Variants in KIAA1755 observed in about 807,000 individuals in gnomAD.
KIAA1755 encodes the protein KIAA1755.
In KIAA1755, 68 loss-of-function variants were observed where a neutral mutation model predicts 91.7. The ratio of observed to expected loss-of-function variants is 0.74; its 90% CI spans 0.61 to 0.91. KIAA1755 has a LOEUF of 0.91. KIAA1755 is among the 40% of genes least tolerant of loss of function. The probability of loss-of-function intolerance (pLI) is 0.00; values close to 1 mark genes in which losing one functional copy is unlikely to be tolerated. For synonymous variants in KIAA1755, 610 were observed against 604.6 expected (o/e 1.01, Z -0.13); for missense variants, 1,535 against 1,494.4 (o/e 1.03, Z -0.45).
rs149071738 is a variant in KIAA1755, at chr20:38,225,709, C to T, written c.2125G>A (p.Gly709Ser). 1.9e-6 allele frequency: 3 copies of T among 1,612,658 alleles called. No homozygotes were observed. Among genetic ancestry groups the T allele is most frequent in the African/African-American group, 2.7e-5 (2 of 74,874 alleles). Residue 709 changes from glycine (G) to serine (S), a missense_variant, in exon 8 of 14, where the codon GGC becomes AGC. Gly to Ser is a moderately conservative substitution (Grantham distance 56, BLOSUM62 0). Transcript: ENST00000279024. ...TCGGTGTGGCAGTAGGGGAAGGGGC[C>T]TTCCAGGACTGCGGGCAGCTGGCTG... ...DPSQLPAVLEGPFPYCHTEWV... is the reference protein window; with the variant it reads ...DPSQLPAVLESPFPYCHTEWV...
At chr20:38,228,690 G>C (rs1191166861) in intron 5 of KIAA1755, among the ~76,000 whole-genome samples, 5 of 152,114 alleles carry the variant, frequency 3.3e-5, no homozygotes, top group African/African-American at 1.2e-4. Flanking sequence ...AGATGGGGAG[G>C]GTCATGTGAC....
At position 38,245,998 on chromosome 20, in the gene KIAA1755, C is replaced by T; in HGVS notation, c.132G>A (p.Gly44=). The T allele has an allele frequency of 6.2e-7, 1 of 1,614,198 alleles. No homozygotes were observed. The highest frequency in any genetic ancestry group is 8.5e-7 in the Non-Finnish European group (1 of 1,180,036). The change falls in exon 2 of 14, where the codon GGG becomes GGA. Residue 44 remains glycine, a synonymous_variant. Coordinates refer to ENST00000279024, the MANE Select transcript of KIAA1755 (RefSeq NM_001029864.2). ...RLLDSGFQGD[G]LSFLLDFLIP... is the part of the protein sequence containing the mutation. ...TCAGGAAATCCAGAAGGAAGCTCAG[C>T]CCATCCCCCTGGAAGCCAGAGTCCA...
Position 38,247,133 on chromosome 20 carries a change from C to T in KIAA1755, c.4-1007G>A, listed in dbSNP as rs571809940. On this transcript the variant is annotated intron_variant, in intron 1 of 13. Coordinates refer to ENST00000279024, the MANE Select transcript of KIAA1755 (RefSeq NM_001029864.2). ...TTGGCTGCCAAATTCTCGTCTGCCT[C>T]ACCCCAGCCATTTTCCACCAGGACC... Among the ~76,000 whole-genome samples the T allele has an allele frequency of 3.3e-5, 5 of 152,320 alleles. No individual in the cohort carries two copies. In the South Asian group the frequency reaches 1.0e-3, roughly 32 times the overall value.
intron 4 of KIAA1755, among the ~76,000 whole-genome samples, chr20:38,232,904 G>A (rs2075894722): frequency 6.6e-6 from 1 of 152,038 alleles, no homozygotes; most frequent in Non-Finnish European, 1.5e-5. Flanking sequence ...AATGGCTTGA[G>A]CTCGGGAGTT....
intron 5 of KIAA1755, among the ~76,000 whole-genome samples, chr20:38,229,030 T>G (rs1009414143): frequency 6.6e-6 from 1 of 152,220 alleles, no homozygotes; most frequent in Non-Finnish European, 1.5e-5. Flanking sequence ...TCTAGCCATC[T>G]GGCCAGTGGG....
intron 1 of KIAA1755, among the ~76,000 whole-genome samples, chr20:38,258,399 C>A (rs758279398): frequency 2.0e-5 from 3 of 152,140 alleles, no homozygotes; most frequent in Non-Finnish European, 2.9e-5. Flanking sequence ...TTCAGTGATA[C>A]TAACATTTGG....
At chr20:38,222,771 C>A in intron 9 of KIAA1755, 174 bp from the exon 10 acceptor site, 1 of 687,916 alleles carries the variant, frequency 1.5e-6, no homozygotes, top group Non-Finnish European at 2.5e-6. Flanking sequence ...CTCTCGTCAC[C>A]ACGGCAACCT....
rs746383757 is a variant in KIAA1755 at position 38,222,440 on chromosome 20, C to T, written c.2417+9G>A. ...TGGGGTGGAAGAGGAAAGGCCTGGA[C>T]GTCTGTACCTGACATCAGGGCTGAA... On this transcript the variant is annotated intron_variant, in intron 10 of 13. Transcript: ENST00000279024. 8 of 1,611,150 alleles carry T rather than the reference C, an allele frequency of 5.0e-6. No homozygotes were observed. In the Admixed American group the frequency reaches 6.7e-5, roughly 13 times the overall value.
chr20:38,260,640 A>C lies in KIAA1755; in HGVS notation c.-140T>G. ...GGGATAGGGCAGGCCCGGGGCACCG[A>C]CCCCGGCGTCATCTCGGAGGAGCGG... On this transcript the variant is annotated 5_prime_UTR_variant, in exon 1 of 14. Coordinates refer to ENST00000279024, the MANE Select transcript of KIAA1755 (RefSeq NM_001029864.2). The C allele has an allele frequency of 9.8e-7, 1 of 1,016,286 alleles. No homozygotes were observed. The highest frequency in any genetic ancestry group is 1.3e-6 in the Non-Finnish European group (1 of 767,282). The allele number at this position is 1,016,286 out of a possible 1,614,324, so 63.0% of individuals were successfully genotyped here. A position where few individuals can be genotyped will look rare whatever the true frequency, so the allele number is the denominator to read the frequency against.
chr20:38,218,454 TTC>T (rs2075593150), intron 11 of KIAA1755, 88 bp from the exon 12 acceptor site: 5 of 1,548,324 alleles, frequency 3.2e-6, no homozygotes. Flanking sequence ...GGCTGAGGTC[TTC>T]TGTCTTCACT....
rs1555818707 is a variant in KIAA1755, at chr20:38,219,786, G to A, written c.2418-18C>T. ...GATGGCTCCTGGGAGGTGGGCGGAG[G>A]TGAGAAAAGGCCTCTGTTGCCCTCT... is the stretch of plus-strand genomic sequence containing the variant. On this transcript the variant is annotated intron_variant, in intron 10 of 13. Coordinates refer to ENST00000279024, the MANE Select transcript of KIAA1755 (RefSeq NM_001029864.2). 4 of 1,613,836 alleles carry A rather than the reference G, an allele frequency of 2.5e-6. No individual in the cohort carries two copies. The South Asian group carries it at 4.4e-5, about 18-fold the overall frequency.
Position 38,222,567 on chromosome 20 carries a change from C to A in KIAA1755, c.2299G>T (p.Glu767Ter), listed in dbSNP as rs1245890296. 6.2e-7 allele frequency: 1 copy of A among 1,613,224 alleles called. No individual in the cohort carries two copies. Among genetic ancestry groups the A allele is most frequent in the Non-Finnish European group, 8.5e-7 (1 of 1,180,006 alleles). ...EATRCLSKSKELMEAVLRDPG... is the reference protein window; with the variant it reads ...EATRCLSKSK ...TCCCTCAGCACAGCCTCCATCAGCTCCTTGGACTTGCTCAGGCACCTGGTA... is the reference window on the plus strand; with the variant it reads ...TCCCTCAGCACAGCCTCCATCAGCTACTTGGACTTGCTCAGGCACCTGGTA... Residue 767 changes from glutamate (E) to a stop codon, truncating the protein, a stop_gained, in exon 10 of 14, where the codon GAG becomes TAG. Coordinates refer to ENST00000279024, the MANE Select transcript of KIAA1755 (RefSeq NM_001029864.2). LOFTEE classifies it high-confidence loss of function.
chr20:38,259,644 A>C (rs1205425), intron 1 of KIAA1755, among the ~76,000 whole-genome samples: 1 of 151,124 alleles, frequency 6.6e-6, no homozygotes, highest in African/African-American at 2.4e-5. Context: ...TCACAGTCAC[A>C]GGGTTAAAGC....
Position 38,213,634 on chromosome 20 carries a change from C to T in KIAA1755, c.3011G>A (p.Arg1004Gln), listed in dbSNP as rs564034366. 1.4e-5 allele frequency: 23 copies of T among 1,610,914 alleles called. No homozygotes were observed. The highest frequency in any genetic ancestry group is 3.3e-4 in the Middle Eastern group (2 of 6,052). Residue 1004 changes from arginine to glutamine, a missense_variant, in exon 14 of 14, where the codon CGA becomes CAA. Arg to Gln is a conservative substitution (Grantham distance 43). Coordinates refer to ENST00000279024, the MANE Select transcript of KIAA1755 (RefSeq NM_001029864.2). The stretch of plus-strand genomic sequence containing the variant: ...CTCAGCAGGGAACTCAGATGCCAGT[C>T]GCTGCAGGTAGCGGTGGAGGCGGCG... ...DQRRLHRYLQ[R>Q]LASEFPAEKL...
chr20:38,233,216 G>A (rs2075900757), intron 4 of KIAA1755: 1 of 152,162 alleles, frequency 6.6e-6, no homozygotes, highest in Non-Finnish European at 1.5e-5. Flanking sequence ...ATGAAGATTT[G>A]TAATATTTTT....
At position 38,231,153 on chromosome 20, in the gene KIAA1755, C is replaced by T. The variant is rs755721914; in HGVS notation, c.1871+49G>A. The T allele has an allele frequency of 3.2e-6, 5 of 1,573,278 alleles. No homozygotes were observed. In the East Asian group the frequency reaches 1.1e-4, roughly 36 times the overall value. On this transcript the variant is annotated intron_variant, in intron 5 of 13. Transcript: ENST00000279024. ...AGTGTCTGGTCCAGGGCTCTGGGCC[C>T]AGAGGGTTGAGGTGGGGATGGAGCA...
At chr20:38,252,877 G>C (rs1445348691) in intron 1 of KIAA1755, among the ~76,000 whole-genome samples, 1 of 152,178 alleles carries the variant, frequency 6.6e-6, no homozygotes, top group African/African-American at 2.4e-5. Flanking sequence ...ATTGGAGGAA[G>C]CACACTGTGG....
intron 1 of KIAA1755, among the ~76,000 whole-genome samples, chr20:38,256,326 T>G (rs1324172027): frequency 1.3e-5 from 2 of 152,208 alleles, no homozygotes; most frequent in Admixed American, 1.3e-4. Flanking sequence ...GCTCCCAGCT[T>G]ACCTTCCCTA....
At position 38,219,714 on chromosome 20, in the gene KIAA1755, A is replaced by T. The variant is rs751552426; in HGVS notation, c.2472T>A (p.His824Gln). The change falls in exon 11 of 14, where the codon CAT (histidine) becomes CAA (glutamine). Residue 824 changes from histidine to glutamine, a missense_variant. His to Gln is a conservative substitution (Grantham distance 24, BLOSUM62 0). Transcript: ENST00000279024. ...ALYSLVDEQL[H>Q]VLVTASNSLL... ...GGCTGTTGGAAGCGGTGACCAGAAC[A>T]TGAAGCTGCTCGTCCACAAGGCTGT... 2 of 1,614,150 alleles carry T rather than the reference A, an allele frequency of 1.2e-6. No homozygotes were observed. The highest frequency in any genetic ancestry group is 2.2e-5 in the South Asian group (2 of 91,086).
Sources: gnomAD v4.1 joint callset for allele counts (sites outside exome capture counted in the v4.1 genomes callset) on GRCh38, gnomAD v4.1.1 for gene constraint, MANE v1.5 for transcripts, NCBI Gene and HGNC (gene_info 2026-07-23, HGNC 2026-07-21) for gene names.